Variants in MLLT10 observed in about 807,000 individuals in gnomAD.
MLLT10 encodes MLLT10 histone lysine methyltransferase DOT1L cofactor.
Under a neutral mutation model 129.1 loss-of-function variants are expected in MLLT10, and 30 were observed. That is an observed-to-expected ratio of 0.23 (90% CI 0.17 to 0.32). The LOEUF is 0.32. MLLT10 is among the 10% of genes least tolerant of loss of function. MLLT10 has a pLI of 1.00. For synonymous variants in MLLT10, 490 were observed against 446.4 expected (o/e 1.10, Z -1.23); for missense variants, 1,119 against 1,268.3 (o/e 0.88, Z 1.79).
In MLLT10 at chr10:21,670,517, A is replaced by C. The variant is rs780031381; in HGVS notation, c.864A>C (p.Arg288=). ...SLKRLEDTTA[R]FTNANFQEVS... ...AGCGCTTGGAAGATACTACTGCACG[A>C]TTTACAAATGCAAATTTCCAGGAAG... The change falls in exon 10 of 23, where the codon CGA becomes CGC. Residue 288 remains arginine (R), a synonymous_variant. Transcript: ENST00000307729. 1.9e-6 allele frequency: 3 copies of C among 1,614,032 alleles called. No homozygotes were observed. The African/African-American group carries it at 4.0e-5, about 22-fold the overall frequency.
At chr10:21,549,405 C>T (rs1165767931) in intron 3 of MLLT10, among the ~76,000 whole-genome samples, 1 of 151,698 alleles carries the variant, frequency 6.6e-6, no homozygotes, top group African/African-American at 2.4e-5. Flanking sequence ...CCACTGCACC[C>T]GTCCAGTTAT....
intron 9 of MLLT10, among the ~76,000 whole-genome samples, chr10:21,658,472 ATATAC>A (rs1247953917): frequency 1.6e-4 from 25 of 152,174 alleles, no homozygotes; most frequent in Non-Finnish European, 1.2e-4. Context: ...GTGTGTATGG[ATATAC>A]TATAATTAGC....
At chr10:21,603,531 A>G (rs1245631789) in intron 5 of MLLT10, among the ~76,000 whole-genome samples, 1 of 152,204 alleles carries the variant, frequency 6.6e-6, no homozygotes, top group Non-Finnish European at 1.5e-5. Flanking sequence ...TCAAATATAT[A>G]AAACAGTAAG....
chr10:21,554,071 A>G (rs1176092147), intron 3 of MLLT10, among the ~76,000 whole-genome samples: 1 of 152,186 alleles, frequency 6.6e-6, no homozygotes, highest in East Asian at 1.9e-4. Context: ...TGTACTAGGT[A>G]CACAGTGGTC....
chr10:21,538,154 AT>A (rs747900217), intron 2 of MLLT10, among the ~76,000 whole-genome samples: 8,478 of 132,730 alleles, frequency 0.064, 722 homozygotes, highest in African/African-American at 0.2. Flanking sequence ...TGCCCAGCTA[AT>A]TTTTTTTTTT....
At chr10:21,647,725 T>C (rs898274775) in intron 8 of MLLT10, among the ~76,000 whole-genome samples, 1 of 152,002 alleles carries the variant, frequency 6.6e-6, no homozygotes, top group African/African-American at 2.4e-5. Context: ...TGCCCAGTCA[T>C]GTCCAATGGC....
chr10:21,624,652 G>T, intron 8 of MLLT10: 3 of 1,460,890 alleles, frequency 2.1e-6, no homozygotes, highest in Non-Finnish European at 2.8e-6. Context: ...TGTAACCATA[G>T]TTACCAGAAT....
chr10:21,559,800 A>G (rs1403367126), intron 3 of MLLT10, among the ~76,000 whole-genome samples: 2 of 152,224 alleles, frequency 1.3e-5, no homozygotes, highest in African/African-American at 4.8e-5. Context: ...TTATAGCTGA[A>G]TACTACATAA....
At chr10:21,686,021 A>G (rs1020191916) in intron 13 of MLLT10, among the ~76,000 whole-genome samples, 1 of 152,234 alleles carries the variant, frequency 6.6e-6, no homozygotes, top group African/African-American at 2.4e-5. Context: ...GGAGGAGGAT[A>G]TGCTAGTTTT....
At chr10:21,624,668 C>T (rs1169086310) in intron 8 of MLLT10, 1 of 1,449,892 alleles carries the variant, frequency 6.9e-7, no homozygotes, top group East Asian at 2.3e-5. Context: ...AGAATAGTCA[C>T]CACCTTGCTG....
chr10:21,613,618 T>C (rs1371439771), intron 6 of MLLT10, among the ~76,000 whole-genome samples: 1 of 152,172 alleles, frequency 6.6e-6, no homozygotes, highest in Non-Finnish European at 1.5e-5. Context: ...TAAAAATGAA[T>C]ATGCTAGGCA....
chr10:21,713,774 A>T lies in MLLT10; in HGVS notation c.1702A>T (p.Ile568Phe), dbSNP rs773520543. ...AAATAACATTTGTTTTTTTGCAGGT[A>T]TTTATAACAGCAATGATGTAGCAGT... Reference protein sequence around the residue: ...SELLNAIHNGIYNSNDVAVSF... With the variant: ...SELLNAIHNGFYNSNDVAVSF... Residue 568 changes from isoleucine to phenylalanine, a missense_variant and splice_region_variant, in exon 14 of 23, where the codon ATT becomes TTT. Coordinates refer to ENST00000307729, the MANE Select transcript of MLLT10 (RefSeq NM_001195626.3). The T allele has an allele frequency of 3.1e-6, 5 of 1,606,668 alleles. No individual in the cohort carries two copies. In the East Asian group the frequency reaches 8.9e-5, roughly 29 times the overall value.
At chr10:21,553,617 C>T (rs1489932813) in intron 3 of MLLT10, among the ~76,000 whole-genome samples, 1 of 151,684 alleles carries the variant, frequency 6.6e-6, no homozygotes, top group Non-Finnish European at 1.5e-5. Context: ...TGAGTCACCA[C>T]ACCCAGCTGC....
intron 9 of MLLT10, among the ~76,000 whole-genome samples, chr10:21,667,444 T>C (rs1282561031): frequency 6.6e-6 from 1 of 151,798 alleles, no homozygotes; most frequent in African/African-American, 2.4e-5. Context: ...TGTTCGTTTG[T>C]TTTGATCCTC....
chr10:21,542,746 C>T (rs769721717), intron 3 of MLLT10, among the ~76,000 whole-genome samples: 1 of 152,054 alleles, frequency 6.6e-6, no homozygotes, highest in Non-Finnish European at 1.5e-5. Flanking sequence ...AAAAAATTAA[C>T]CACATGTGGT....
At chr10:21,536,061 G>A (rs1257856041) in intron 2 of MLLT10, among the ~76,000 whole-genome samples, 1 of 152,192 alleles carries the variant, frequency 6.6e-6, no homozygotes, top group African/African-American at 2.4e-5. Context: ...TCCTGCCTCA[G>A]CTTCTTGAGT....
intron 13 of MLLT10, among the ~76,000 whole-genome samples, chr10:21,683,627 C>G (rs1334008644): frequency 6.6e-6 from 1 of 152,162 alleles, no homozygotes; most frequent in Non-Finnish European, 1.5e-5. Context: ...GATGTTTACC[C>G]TGTGGGTGAT....
At chr10:21,653,265 G>C (rs1003035697) in intron 9 of MLLT10, among the ~76,000 whole-genome samples, 1 of 152,170 alleles carries the variant, frequency 6.6e-6, no homozygotes, top group African/African-American at 2.4e-5. Flanking sequence ...CCGTTCGTCA[G>C]GTTATTGGCA....
chr10:21,715,370 A>T (rs1208697258), intron 14 of MLLT10, among the ~76,000 whole-genome samples: 3 of 152,216 alleles, frequency 2.0e-5, no homozygotes, highest in Admixed American at 6.5e-5. Flanking sequence ...CTTGATATAG[A>T]GGAGTTTGAC....
Sources: gnomAD v4.1 joint callset for allele counts (sites outside exome capture counted in the v4.1 genomes callset) on GRCh38, gnomAD v4.1.1 for gene constraint, MANE v1.5 for transcripts, NCBI Gene and HGNC (gene_info 2026-07-23, HGNC 2026-07-21) for gene names.